Variants in INVS observed in about 807,000 individuals in gnomAD.
INVS encodes the protein inversin, also known as inversion of embryo turning homolog.
INVS carries 86 observed loss-of-function variants against 108.8 expected under a neutral mutation model. The ratio of observed to expected loss-of-function variants is 0.79; its 90% CI spans 0.66 to 0.95. The LOEUF (loss-of-function observed/expected upper bound fraction) is 0.95. INVS is among the 40% of genes least tolerant of loss of function. The pLI is 0.00. For missense variants in INVS, 1,169 were observed against 1,297.4 expected, an observed-to-expected ratio of 0.90 and a Z score of 1.52; for synonymous variants, 455 against 473.5, an observed-to-expected ratio of 0.96 and a Z score of 0.51.
intron 3 of INVS, among the ~76,000 whole-genome samples, chr9:100,174,499 G>A (rs1829646805): frequency 6.6e-6 from 1 of 152,038 alleles, no homozygotes. Context: ...TACAAAGATA[G>A]GAGAGAGAGA....
intron 11 of INVS, among the ~76,000 whole-genome samples, chr9:100,269,285 A>C (rs1291626434): frequency 6.6e-6 from 1 of 152,196 alleles, no homozygotes; most frequent in African/African-American, 2.4e-5. Context: ...ATTTAGCTCT[A>C]CTATTGCATG....
In INVS at chr9:100,218,746, A is replaced by G. The variant is rs551380429; in HGVS notation, c.274-7316A>G. Among the ~76,000 whole-genome samples, 8 of 152,344 alleles carry G rather than the reference A, an allele frequency of 5.3e-5. No homozygotes were observed. The South Asian group carries it at 8.3e-4, about 16-fold the overall frequency. On this transcript the variant is annotated intron_variant, in intron 3 of 16. Transcript: ENST00000262457. ...ATTCTTTGCCTCACTATGAGGCTAC[A>G]GCTTTATAGGAAGCTGTTTATCTAG...
At chr9:100,162,546 G>T (rs1030746971) in intron 3 of INVS, among the ~76,000 whole-genome samples, 15 of 152,126 alleles carry the variant, frequency 9.9e-5, no homozygotes, top group African/African-American at 3.4e-4. Context: ...TCAAATACCC[G>T]TATCTTGTTT....
At chr9:100,166,125 C>A (rs138365862) in intron 3 of INVS, among the ~76,000 whole-genome samples, 2 of 152,232 alleles carry the variant, frequency 1.3e-5, no homozygotes, top group East Asian at 3.9e-4. Flanking sequence ...ATCACATTGT[C>A]TAGATGAAAA....
Position 100,292,476 on chromosome 9 carries a change from G to C in INVS, c.2219G>C (p.Gly740Ala), listed in dbSNP as rs751220830. ...AGDERCAKGK[G>A]FVKQPSCIRV... ...GATGAGCGGTGTGCAAAGGGGAAAG[G>C]CTTCGTGAAGCAGCCCTCCTGTATC... Residue 740 changes from glycine to alanine, a missense_variant, in exon 14 of 17, where the codon GGC (glycine) becomes GCC (alanine). Gly to Ala is a moderately conservative substitution (Grantham distance 60). This residue lies in a region of INVS where 533 missense variants were observed against 536.0 expected (regional missense o/e 0.99). Transcript: ENST00000262457. 6.2e-7 allele frequency: 1 copy of C among 1,614,180 alleles called. No individual in the cohort carries two copies.
chr9:100,297,340 T>C (rs1410436699), intron 15 of INVS, among the ~76,000 whole-genome samples, 194 bp downstream of exon 15: 1 of 152,144 alleles, frequency 6.6e-6, no homozygotes, highest in East Asian at 1.9e-4. Context: ...CAAGCACCAT[T>C]TCATTCCTGC....
intron 13 of INVS, among the ~76,000 whole-genome samples, chr9:100,288,917 T>C (rs1833530173): frequency 6.6e-6 from 1 of 152,202 alleles, no homozygotes; most frequent in Non-Finnish European, 1.5e-5. Flanking sequence ...TGTTAGTTAT[T>C]GTGTCCGCCC....
intron 3 of INVS, among the ~76,000 whole-genome samples, chr9:100,221,836 T>G (rs1470755033): frequency 1.3e-5 from 2 of 152,232 alleles, no homozygotes; most frequent in Non-Finnish European, 2.9e-5. Flanking sequence ...TTTCATACAC[T>G]ATATTATTAT....
chr9:100,190,346 G>A (rs1212290130), intron 3 of INVS, among the ~76,000 whole-genome samples: 1 of 152,042 alleles, frequency 6.6e-6, no homozygotes, highest in South Asian at 2.1e-4. Context: ...GTCAGTGGAG[G>A]ATATAGACCA....
chr9:100,120,332 G>C (rs547008305), intron 2 of INVS: 1 of 152,422 alleles, frequency 6.6e-6, no homozygotes, highest in South Asian at 2.1e-4. Flanking sequence ...CTCATGATAG[G>C]TTATTATTGG....
chr9:100,100,992 G>GT (rs1826959431), intron 1 of INVS, among the ~76,000 whole-genome samples: 3 of 68,444 alleles, frequency 4.4e-5, no homozygotes, highest in South Asian at 6.6e-4. Context: ...TAATATATAT[G>GT]TATATATAAT....
At chr9:100,260,513 T>C (rs1416985977) in intron 10 of INVS, among the ~76,000 whole-genome samples, 1 of 152,200 alleles carries the variant, frequency 6.6e-6, no homozygotes, top group Non-Finnish European at 1.5e-5. Context: ...TCAAACCACA[T>C]TTTGTTTACT....
chr9:100,207,790 T>G (rs1388405785), intron 3 of INVS, among the ~76,000 whole-genome samples: 1 of 152,222 alleles, frequency 6.6e-6, no homozygotes, highest in Non-Finnish European at 1.5e-5. Flanking sequence ...TTACTTTGTT[T>G]TCCCAATTTT....
chr9:100,142,507 C>T (rs778966994), intron 3 of INVS, among the ~76,000 whole-genome samples: 3 of 152,020 alleles, frequency 2.0e-5, no homozygotes, highest in African/African-American at 4.8e-5. Context: ...GGGTGAATGT[C>T]AGGTGGATCA....
chr9:100,274,022 GC>G (rs1833043616), intron 12 of INVS, among the ~76,000 whole-genome samples: 2 of 152,104 alleles, frequency 1.3e-5, no homozygotes, highest in Admixed American at 6.5e-5. Flanking sequence ...ATACAAAATA[GC>G]TGTCTGTGCC....
At chr9:100,202,087 C>T (rs1014640528) in intron 3 of INVS, among the ~76,000 whole-genome samples, 1 of 132,078 alleles carries the variant, frequency 7.6e-6, no homozygotes, top group Non-Finnish European at 1.6e-5. Flanking sequence ...GCAGTTATTA[C>T]AATAGTTTTT....
chr9:100,161,473 T>A (rs1054337114), intron 3 of INVS, among the ~76,000 whole-genome samples: 4 of 151,804 alleles, frequency 2.6e-5, no homozygotes, highest in Non-Finnish European at 4.4e-5. Context: ...AAGTGGGCCT[T>A]ATAATTCGTT....
At chr9:100,220,654 C>T (rs1240747180) in intron 3 of INVS, among the ~76,000 whole-genome samples, 2 of 152,182 alleles carry the variant, frequency 1.3e-5, no homozygotes, top group Non-Finnish European at 2.9e-5. Flanking sequence ...AACAAACCGT[C>T]CTCCAAACAG....
intron 12 of INVS, among the ~76,000 whole-genome samples, chr9:100,279,543 C>T (rs924075479): frequency 6.6e-6 from 1 of 152,184 alleles, no homozygotes; most frequent in East Asian, 1.9e-4. Flanking sequence ...TTCCTATTAC[C>T]CTCAAAACTA....
Sources: allele counts gnomAD v4.1 joint callset (sites outside exome capture counted in the v4.1 genomes callset), GRCh38; gene constraint gnomAD v4.1.1; regional missense constraint gnomAD v4.1.1; transcripts MANE v1.5; gene names NCBI Gene and HGNC (gene_info 2026-07-23, HGNC 2026-07-21).